TBC1D32: variants seen among roughly 807,000 people sequenced by gnomAD.
TBC1D32 encodes the protein protein broad-minded.
TBC1D32 carries 151 observed loss-of-function variants against 170.3 expected under a neutral mutation model. That is an observed-to-expected ratio of 0.89 (90% CI 0.78 to 1.01). TBC1D32 has a LOEUF of 1.01. Among genes scored for constraint, TBC1D32 ranks in the 50% least tolerant of loss-of-function variants. The pLI is 0.00. For missense variants in TBC1D32, 1,464 were observed against 1,457.1 expected (o/e 1.00, Z -0.08); for synonymous variants, 498 against 488.0 (o/e 1.02, Z -0.27).
At chr6:121,140,538 G>T (rs1317287478) in intron 24 of TBC1D32, among the ~76,000 whole-genome samples, 1 of 151,894 alleles carries the variant, frequency 6.6e-6, no homozygotes, top group African/African-American at 2.4e-5. Flanking sequence ...CTTTTATATA[G>T]TATTTGAAAA....
At chr6:121,107,799 C>T (rs533259696) in intron 29 of TBC1D32, among the ~76,000 whole-genome samples, 31 of 152,066 alleles carry the variant, frequency 2.0e-4, no homozygotes, top group Non-Finnish European at 3.5e-4. Flanking sequence ...GGAAATGATT[C>T]ATATGCAGTG....
chr6:121,308,107 AT>A lies in TBC1D32; in HGVS notation c.565-7del, dbSNP rs1330582946. The A allele has an allele frequency of 5.6e-6, 9 of 1,607,304 alleles. No individual in the cohort carries two copies. Among genetic ancestry groups the A allele is most frequent in the Middle Eastern group, 1.6e-4 (1 of 6,064 alleles). On this transcript the variant is annotated splice_polypyrimidine_tract_variant and splice_region_variant and intron_variant, in intron 4 of 31. Transcript: ENST00000398212. Reference sequence around the variant, plus strand: ...TGCAAGGCTTCATATCTCACCTACAATTTTTTTAAAAGACTTTTATTAACAC... The same window carrying A: ...TGCAAGGCTTCATATCTCACCTACAATTTTTTAAAAGACTTTTATTAACAC...
At position 121,307,973 on chromosome 6, in the gene TBC1D32, T is replaced by C; in HGVS notation, c.690+3A>G. 6.2e-7 allele frequency: 1 copy of C among 1,608,128 alleles called. No individual in the cohort carries two copies. Among genetic ancestry groups the C allele is most frequent in the Non-Finnish European group, 8.5e-7 (1 of 1,178,474 alleles). On this transcript the variant is annotated splice_donor_region_variant and intron_variant, in intron 5 of 31. Coordinates refer to ENST00000398212, the MANE Select transcript of TBC1D32 (RefSeq NM_152730.6). ...TTTAATATTTCTATAACCATTTTCT[T>C]ACACTAAACACAGGATCAGGATCTG... is the stretch of plus-strand genomic sequence containing the variant.
chr6:121,287,829 G>C (rs1001885057), intron 12 of TBC1D32, among the ~76,000 whole-genome samples: 2 of 152,140 alleles, frequency 1.3e-5, no homozygotes, highest in Non-Finnish European at 2.9e-5. Context: ...AATCAAACTA[G>C]AACTCAGGAT....
In TBC1D32 at chr6:121,157,969, A is replaced by G. The variant is rs183399734; in HGVS notation, c.2773+2041T>C. 2.6e-5 allele frequency among the ~76,000 whole-genome samples: 4 copies of G among 152,186 alleles called. No homozygotes were observed. The East Asian group carries it at 7.7e-4, about 29-fold the overall frequency. On this transcript the variant is annotated intron_variant, in intron 24 of 31. Transcript: ENST00000398212. ...TGCAATGATTTTGGTAAATCTGATG[A>G]TGATGTGCCTTGGGGATCGTCATCC...
intron 23 of TBC1D32, 138 bp from the exon 24 acceptor site, chr6:121,160,241 G>C: frequency 1.8e-6 from 1 of 563,340 alleles, no homozygotes; most frequent in South Asian, 2.5e-5. Context: ...TTAACCAAAA[G>C]CTATTTGATA....
chr6:121,096,296 C>T (rs1393911781), intron 30 of TBC1D32: 2 of 151,254 alleles, frequency 1.3e-5, no homozygotes, highest in African/African-American at 4.9e-5. Context: ...TTTAGAAAAC[C>T]CCACCATCTC....
In TBC1D32 at chr6:121,131,616, A is replaced by G. The variant is rs1388005530; in HGVS notation, c.2899+11T>C. The G allele has an allele frequency of 6.3e-7, 1 of 1,598,276 alleles. No homozygotes were observed. Among genetic ancestry groups the G allele is most frequent in the Non-Finnish European group, 8.5e-7 (1 of 1,172,804 alleles). ...ACATAAGAAAACCCACAATGGAAAC[A>G]ATGTACTTACCCTCTCCACTGATTA... On this transcript the variant is annotated intron_variant, in intron 25 of 31. Coordinates refer to ENST00000398212, the MANE Select transcript of TBC1D32 (RefSeq NM_152730.6).
intron 19 of TBC1D32, among the ~76,000 whole-genome samples, chr6:121,240,610 C>T (rs757827604): frequency 4.6e-5 from 7 of 151,074 alleles, no homozygotes; most frequent in East Asian, 1.9e-4. Flanking sequence ...ACATATTGGC[C>T]GGGTGCGGTG....
intron 22 of TBC1D32, among the ~76,000 whole-genome samples, chr6:121,179,082 C>T (rs1382494308): frequency 6.6e-6 from 1 of 151,956 alleles, no homozygotes; most frequent in Non-Finnish European, 1.5e-5. Context: ...AAAAATAATA[C>T]AAACTCCAAC....
intron 24 of TBC1D32, among the ~76,000 whole-genome samples, chr6:121,156,350 G>A (rs930647758): frequency 1.3e-5 from 2 of 151,514 alleles, no homozygotes; most frequent in African/African-American, 4.8e-5. Flanking sequence ...ATTTCTGTGG[G>A]ATCAGTTGTA....
At chr6:121,325,996 C>T (rs553171913) in intron 1 of TBC1D32, among the ~76,000 whole-genome samples, 5 of 152,134 alleles carry the variant, frequency 3.3e-5, no homozygotes, top group Admixed American at 1.3e-4. Flanking sequence ...AAGACATTTA[C>T]GCAGCCAACA....
At chr6:121,283,023 T>A (rs150891971) in intron 13 of TBC1D32, among the ~76,000 whole-genome samples, 107 of 152,000 alleles carry the variant, frequency 7.0e-4, no homozygotes, top group Middle Eastern at 3.4e-3. Flanking sequence ...ATATACTGAA[T>A]AATGGTGAGA....
At chr6:121,120,613 T>C (rs1562546003) in intron 26 of TBC1D32, among the ~76,000 whole-genome samples, 1 of 151,996 alleles carries the variant, frequency 6.6e-6, no homozygotes, top group African/African-American at 2.4e-5. Flanking sequence ...AAGTTCATAA[T>C]TTTCTTCACA....
intron 22 of TBC1D32, among the ~76,000 whole-genome samples, chr6:121,183,689 T>C (rs1788821666): frequency 6.6e-6 from 1 of 152,064 alleles, no homozygotes; most frequent in African/African-American, 2.4e-5. Context: ...AAACCTTCTG[T>C]GAAGAAATAC....
chr6:121,242,182 G>C lies in TBC1D32; in HGVS notation c.2157+19C>G. ...AACCACAAAAATTCCCTTTGCCTTT[G>C]GCAGATGGTAATTCATACCTGTAAT... On this transcript the variant is annotated intron_variant, in intron 18 of 31. Coordinates refer to ENST00000398212, the MANE Select transcript of TBC1D32 (RefSeq NM_152730.6). The C allele has an allele frequency of 6.2e-7, 1 of 1,605,396 alleles. No individual in the cohort carries two copies. Among genetic ancestry groups the C allele is most frequent in the Non-Finnish European group, 8.5e-7 (1 of 1,177,540 alleles).
At chr6:121,156,683 G>A (rs1056687262) in intron 24 of TBC1D32, among the ~76,000 whole-genome samples, 1 of 151,890 alleles carries the variant, frequency 6.6e-6, no homozygotes, top group African/African-American at 2.4e-5. Flanking sequence ...CACAAATTTA[G>A]CTGCATCCCA....
intron 17 of TBC1D32, among the ~76,000 whole-genome samples, chr6:121,246,502 A>G (rs904062681): frequency 1.3e-5 from 2 of 152,066 alleles, no homozygotes; most frequent in African/African-American, 4.8e-5. Context: ...AAAAGGTCAC[A>G]GTAGGCCCCA....
rs778937997 is a variant in TBC1D32 at position 121,317,484 on chromosome 6, G to C, written c.495+11C>G. On this transcript the variant is annotated intron_variant, in intron 3 of 31. Transcript: ENST00000398212. ...CATTTCAAGACATAAATGCAAAACT[G>C]AACAACACACCTGATTCAATGATGA... is the stretch of plus-strand genomic sequence containing the variant. The C allele has an allele frequency of 6.4e-7, 1 of 1,553,010 alleles. No individual in the cohort carries two copies. Among genetic ancestry groups the C allele is most frequent in the Non-Finnish European group, 8.7e-7 (1 of 1,151,120 alleles).
Sources: gnomAD v4.1 joint callset for allele counts (sites outside exome capture counted in the v4.1 genomes callset) on GRCh38, gnomAD v4.1.1 for gene constraint, MANE v1.5 for transcripts, NCBI Gene and HGNC (gene_info 2026-07-23, HGNC 2026-07-21) for gene names.